PCDHGA3: variants seen among roughly 807,000 people sequenced by gnomAD.
PCDHGA3 encodes the protein protocadherin gamma-A3.
In PCDHGA3, 40 loss-of-function variants were observed where a neutral mutation model predicts 58.5. The observed-to-expected ratio is 0.68, with a 90% CI of 0.53 to 0.89. PCDHGA3 has a LOEUF of 0.89. Ranked by LOEUF, PCDHGA3 falls within the 40% of genes least tolerant of loss-of-function variation. PCDHGA3 has a pLI of 0.00. For synonymous variants in PCDHGA3, 530 were observed against 525.7 expected, an observed-to-expected ratio of 1.01 and a Z score of -0.11; for missense variants, 1,223 against 1,195.9, an observed-to-expected ratio of 1.02 and a Z score of -0.33.
chr5:141,375,754 C>T, intron 1 of PCDHGA3: 1 of 1,614,244 alleles, frequency 6.2e-7, no homozygotes, highest in Non-Finnish European at 8.5e-7. Flanking sequence ...ACCAGAATGA[C>T]AATGCGCCCG....
In PCDHGA3 at chr5:141,356,690, A is replaced by C. The variant is rs572628433; in HGVS notation, c.2424+10233A>C. ...TACTCCCTGGCCGAAGACACCTTCC[A>C]GGGTGCACCTCTGTCCTCCTATGTC... is the stretch of plus-strand genomic sequence containing the variant. On this transcript the variant is annotated intron_variant, in intron 1 of 3. Coordinates refer to ENST00000253812, the MANE Select transcript of PCDHGA3 (RefSeq NM_018916.4). 3 of 1,614,024 alleles carry C rather than the reference A, an allele frequency of 1.9e-6. No individual in the cohort carries two copies. The South Asian group carries it at 3.3e-5, about 18-fold the overall frequency.
chr5:141,362,348 G>T (rs761668802), intron 1 of PCDHGA3: 2 of 1,614,022 alleles, frequency 1.2e-6, no homozygotes, highest in Non-Finnish European at 1.7e-6. Context: ...CCTGGACCTG[G>T]GGTTCTCCCC....
chr5:141,423,573 C>G, intron 1 of PCDHGA3: 1 of 1,613,488 alleles, frequency 6.2e-7, no homozygotes, highest in South Asian at 1.1e-5. Context: ...CGCTCATCAG[C>G]CAGGAGAGCT....
At chr5:141,494,991 G>A in intron 2 of PCDHGA3, 126 bp downstream of exon 2, 1 of 1,551,148 alleles carries the variant, frequency 6.4e-7, no homozygotes, top group Non-Finnish European at 8.7e-7. Context: ...AGATCCCAGG[G>A]AGGTCTTGGT....
At position 141,371,344 on chromosome 5, in the gene PCDHGA3, T is replaced by C. The variant is rs752180321; in HGVS notation, c.2424+24887T>C. The C allele has an allele frequency of 9.1e-5, 147 of 1,613,880 alleles. 4 individuals are homozygous for C. In the South Asian group the frequency reaches 1.4e-3, roughly 16 times the overall value. ...TTTGAAGAGAGAGATAGCTACACAATTGGGGTGGAAGCAAAGGATGGTGGA... is the reference window on the plus strand; with the variant it reads ...TTTGAAGAGAGAGATAGCTACACAACTGGGGTGGAAGCAAAGGATGGTGGA... On this transcript the variant is annotated intron_variant, in intron 1 of 3. Coordinates refer to ENST00000253812, the MANE Select transcript of PCDHGA3 (RefSeq NM_018916.4).
chr5:141,472,465 A>C (rs886879646), intron 1 of PCDHGA3, among the ~76,000 whole-genome samples: 4 of 152,032 alleles, frequency 2.6e-5, no homozygotes, highest in Non-Finnish European at 5.9e-5. Flanking sequence ...GCTTGAACCC[A>C]GAAGGCAGAG....
In PCDHGA3 at chr5:141,431,187, G is replaced by C. The variant is rs748150837; in HGVS notation, c.2425-63620G>C. On this transcript the variant is annotated intron_variant, in intron 1 of 3. Transcript: ENST00000253812. This position sits in a 1 kb window ranked among gnomAD's most constrained non-coding sequence, Gnocchi z 4.8. ...GAAAGTGAATTAGAAATAAAAATTAGTGAAAATGCAGCCACTGAGATGCGG... is the reference window on the plus strand; with the variant it reads ...GAAAGTGAATTAGAAATAAAAATTACTGAAAATGCAGCCACTGAGATGCGG... 4.3e-6 allele frequency: 7 copies of C among 1,614,102 alleles called. No homozygotes were observed. The Admixed American group carries it at 1.2e-4, about 27-fold the overall frequency.
intron 1 of PCDHGA3, chr5:141,441,206 C>T (rs750648706): frequency 3.3e-5 from 5 of 152,150 alleles, no homozygotes; most frequent in African/African-American, 4.8e-5. Context: ...GATTCTGCAC[C>T]TTGGACAGTA....
At chr5:141,414,533 C>A in intron 1 of PCDHGA3, 1 of 1,613,960 alleles carries the variant, frequency 6.2e-7, no homozygotes, top group Non-Finnish European at 8.5e-7. Context: ...AATGACAACC[C>A]ACCTACCTTC....
rs759346998 is a variant in PCDHGA3 at position 141,410,849 on chromosome 5, C to CTTTTTTTTTTTTT, written c.2424+64402_2424+64414dup. 1.9e-3 allele frequency: 267 copies of CTTTTTTTTTTTTT among 138,158 alleles called. 27 individuals carry two copies. The highest frequency in any genetic ancestry group is 5.5e-3 in the African/African-American group (91 of 16,622). 8.6% of individuals were successfully genotyped at this position (138,158 alleles called of 1,614,324 possible). A position where few individuals can be genotyped will look rare whatever the true frequency, so the allele number is the denominator to read the frequency against. ...CAGACTGAAGATATTTTGTCTTTGT[C>CTTTTTTTTTTTTT]TTTTTTTTTTTTTTTTTTTTTTGAG... On this transcript the variant is annotated intron_variant, in intron 1 of 3. Coordinates refer to ENST00000253812, the MANE Select transcript of PCDHGA3 (RefSeq NM_018916.4).
intron 1 of PCDHGA3, chr5:141,399,309 CA>C: frequency 6.2e-7 from 1 of 1,613,902 alleles, no homozygotes; most frequent in Non-Finnish European, 8.5e-7. Flanking sequence ...TCTCTTCATC[CA>C]AAAATTCGTA....
chr5:141,366,976 A>C, intron 1 of PCDHGA3: 1 of 544,366 alleles, frequency 1.8e-6, no homozygotes, highest in Non-Finnish European at 3.0e-6. Flanking sequence ...AAATACCTTA[A>C]AGGAAAGTGG....
chr5:141,351,650 G>T, intron 1 of PCDHGA3: 1 of 1,613,996 alleles, frequency 6.2e-7, no homozygotes, highest in Non-Finnish European at 8.5e-7. Flanking sequence ...CAACCCACCT[G>T]GCGCCTCCAT....
intron 1 of PCDHGA3, chr5:141,361,812 G>T (rs748753973): frequency 7.4e-6 from 12 of 1,612,954 alleles, no homozygotes; most frequent in Admixed American, 5.0e-5. Flanking sequence ...ATGACAATGC[G>T]CCACGGGTGC....
At chr5:141,413,219 G>C in intron 1 of PCDHGA3, 1 of 1,613,506 alleles carries the variant, frequency 6.2e-7, no homozygotes, top group Non-Finnish European at 8.5e-7. Context: ...AAGGATTGCA[G>C]CGGGCTGGTC....
At chr5:141,357,538 A>C in intron 1 of PCDHGA3, 1 of 1,614,220 alleles carries the variant, frequency 6.2e-7, no homozygotes, top group South Asian at 1.1e-5. Flanking sequence ...AGACACGCTC[A>C]TCAGCCGGGA....
intron 1 of PCDHGA3, chr5:141,375,832 G>A (rs1771947844): frequency 2.5e-6 from 4 of 1,614,028 alleles, no homozygotes; most frequent in Non-Finnish European, 3.4e-6. Context: ...GCTCCGCAGA[G>A]CCCGGCTACC....
chr5:141,501,290 TAC>T (rs55762287), intron 2 of PCDHGA3, among the ~76,000 whole-genome samples: 11,544 of 136,022 alleles, frequency 0.085, 708 homozygotes, highest in East Asian at 0.37. Context: ...TATTCCCTTA[TAC>T]ACACACACAC....
intron 1 of PCDHGA3, chr5:141,409,547 G>A (rs760802690): frequency 1.2e-6 from 2 of 1,613,936 alleles, no homozygotes; most frequent in Non-Finnish European, 1.7e-6. Flanking sequence ...CAACGACAAC[G>A]CCCCAGTTTT....
Sources: gnomAD v4.1 joint callset for allele counts (sites outside exome capture counted in the v4.1 genomes callset) on GRCh38, gnomAD v4.1.1 for gene constraint, Gnocchi (gnomAD v3.1) non-coding constraint, MANE v1.5 for transcripts, NCBI Gene and HGNC (gene_info 2026-07-23, HGNC 2026-07-21) for gene names.